NAALADL2: variants seen among roughly 807,000 people sequenced by gnomAD.
NAALADL2 encodes N-acetylated alpha-linked acidic dipeptidase like 2, also known as inactive N-acetylated-alpha-linked acidic dipeptidase-like protein 2.
Under a neutral mutation model 87.2 loss-of-function variants are expected in NAALADL2, and 76 were observed. That is an observed-to-expected ratio of 0.87 (90% CI 0.72 to 1.05). NAALADL2 has a LOEUF of 1.05. Among genes scored for constraint, NAALADL2 ranks in the 50% least tolerant of loss-of-function variants. NAALADL2 has a pLI of 0.00. For missense variants in NAALADL2, 1,089 were observed against 945.8 expected, an observed-to-expected ratio of 1.15 and a Z score of -1.99; for synonymous variants, 354 against 331.0, an observed-to-expected ratio of 1.07 and a Z score of -0.75.
At chr3:174,657,864 A>G (rs1725128454) in intron 2 of NAALADL2, among the ~76,000 whole-genome samples, 1 of 152,142 alleles carries the variant, frequency 6.6e-6, no homozygotes, top group Non-Finnish European at 1.5e-5. Flanking sequence ...AGAGCATCAT[A>G]TAGTTGGAAT....
At position 175,206,262 on chromosome 3, in the gene NAALADL2, A is replaced by ATATTT. The variant is rs1157257533; in HGVS notation, c.546-27668_546-27667insATTTT. On this transcript the variant is annotated intron_variant, in intron 2 of 13. Transcript: ENST00000454872. ...TAAAAAACTATATATATATATATAT[A>ATATTT]TTTTTTTTTTTCACTGTGTGTGTGT... Among the ~76,000 whole-genome samples, 716 of 103,120 alleles carry ATATTT rather than the reference A, an allele frequency of 6.9e-3. 29 individuals are homozygous for ATATTT. Among genetic ancestry groups the ATATTT allele is most frequent in the African/African-American group, 0.031 (640 of 20,964 alleles). The allele number at this position is 103,120 out of a possible 152,430, so 67.7% of individuals were successfully genotyped here.
At chr3:175,743,503 G>A (rs557613488) in intron 12 of NAALADL2, among the ~76,000 whole-genome samples, 1 of 152,278 alleles carries the variant, frequency 6.6e-6, no homozygotes, top group Admixed American at 6.5e-5. Flanking sequence ...GAACTGCATA[G>A]GATAAAGAAA....
At chr3:174,471,791 T>C (rs1577979591) in intron 1 of NAALADL2, among the ~76,000 whole-genome samples, 1 of 152,246 alleles carries the variant, frequency 6.6e-6, no homozygotes, top group Admixed American at 6.5e-5. Flanking sequence ...ATAAAAAATA[T>C]GTAATTCTTG....
chr3:175,419,190 C>T (rs2149115277), intron 5 of NAALADL2, among the ~76,000 whole-genome samples: 1 of 151,830 alleles, frequency 6.6e-6, no homozygotes, highest in Middle Eastern at 3.4e-3. Flanking sequence ...GGGGAGGGGT[C>T]ATTTCAAGTA....
At chr3:175,289,637 A>C (rs982195080) in intron 4 of NAALADL2, among the ~76,000 whole-genome samples, 9 of 152,080 alleles carry the variant, frequency 5.9e-5, no homozygotes, top group Admixed American at 5.2e-4. Context: ...AAGAATTTAA[A>C]ATTTCTGCTC....
At chr3:175,360,347 T>A (rs1157840921) in intron 5 of NAALADL2, among the ~76,000 whole-genome samples, 1 of 152,156 alleles carries the variant, frequency 6.6e-6, no homozygotes, top group African/African-American at 2.4e-5. Flanking sequence ...TACAAATATA[T>A]CAGATGTTCT....
intron 9 of NAALADL2, chr3:175,487,456 G>T (rs186789796): frequency 1.1e-5 from 5 of 452,048 alleles, no homozygotes; most frequent in South Asian, 7.8e-5. Context: ...TTCTACAAAT[G>T]AACATAATTT....
chr3:174,674,149 T>C (rs774446065), intron 2 of NAALADL2, among the ~76,000 whole-genome samples: 25 of 151,890 alleles, frequency 1.6e-4, no homozygotes, highest in Admixed American at 1.3e-3. Context: ...ACATGTCATA[T>C]GGTAAAAGCA....
At chr3:174,846,101 G>A (rs2109447252) in intron 3 of NAALADL2, among the ~76,000 whole-genome samples, 1 of 152,268 alleles carries the variant, frequency 6.6e-6, no homozygotes, top group Admixed American at 6.5e-5. Context: ...GCAATAAAAT[G>A]TGCCACTCAC....
intron 1 of NAALADL2, among the ~76,000 whole-genome samples, chr3:174,497,179 G>A (rs1348386615): frequency 2.0e-5 from 3 of 151,914 alleles, no homozygotes; most frequent in African/African-American, 7.3e-5. Flanking sequence ...TATTTCTACA[G>A]GGGTATCATT....
chr3:174,642,776 A>G (rs1723373045), intron 2 of NAALADL2, among the ~76,000 whole-genome samples: 1 of 36,464 alleles, frequency 2.7e-5, no homozygotes, highest in Non-Finnish European at 4.4e-5. Flanking sequence ...ATATATATAT[A>G]TATATATATA....
intron 9 of NAALADL2, among the ~76,000 whole-genome samples, chr3:175,509,280 CCCA>C (rs1474502015): frequency 1.3e-5 from 2 of 152,110 alleles, no homozygotes; most frequent in East Asian, 3.9e-4. Flanking sequence ...CCTCAGGTGC[CCCA>C]CAAGACCTGG....
chr3:174,578,758 A>G (rs1715828505), intron 2 of NAALADL2, among the ~76,000 whole-genome samples: 1 of 151,922 alleles, frequency 6.6e-6, no homozygotes, highest in Admixed American at 6.6e-5. Flanking sequence ...ATAAAAACAT[A>G]GGAGGATTCT....
chr3:174,864,079 A>G (rs1439749303), intron 1 of NAALADL2: 3 of 455,632 alleles, frequency 6.6e-6, no homozygotes, highest in African/African-American at 2.0e-5. Flanking sequence ...ATGTCAAGGC[A>G]TGAAATCCAA....
intron 4 of NAALADL2, among the ~76,000 whole-genome samples, chr3:175,291,272 T>C (rs1755606159): frequency 6.6e-6 from 1 of 152,184 alleles, no homozygotes; most frequent in East Asian, 1.9e-4. Context: ...TGAATGTTTC[T>C]TGTAATTTCA....
At chr3:174,537,901 C>T in intron 1 of NAALADL2, among the ~76,000 whole-genome samples, 1 of 152,156 alleles carries the variant, frequency 6.6e-6, no homozygotes, top group Non-Finnish European at 1.5e-5. Context: ...CCTATTCTTC[C>T]TCTTTCACAG....
intron 2 of NAALADL2, among the ~76,000 whole-genome samples, chr3:175,174,721 GA>G (rs1560120363): frequency 1.3e-5 from 2 of 151,872 alleles, no homozygotes; most frequent in Non-Finnish European, 2.9e-5. Flanking sequence ...GATTGTGTTT[GA>G]AAACCATGAT....
chr3:175,563,767 C>T (rs868825597), intron 9 of NAALADL2, among the ~76,000 whole-genome samples: 1 of 152,080 alleles, frequency 6.6e-6, no homozygotes, highest in East Asian at 1.9e-4. Flanking sequence ...TGGTACAGTC[C>T]GACCAAGGTA....
intron 1 of NAALADL2, among the ~76,000 whole-genome samples, chr3:175,072,503 T>G (rs966262897): frequency 1.3e-5 from 2 of 151,698 alleles, no homozygotes; most frequent in African/African-American, 4.8e-5. Context: ...GGCAAGAATT[T>G]TATTCCCTCT....
Sources: allele counts gnomAD v4.1 joint callset (sites outside exome capture counted in the v4.1 genomes callset), GRCh38; gene constraint gnomAD v4.1.1; transcripts MANE v1.5; gene names NCBI Gene and HGNC (gene_info 2026-07-23, HGNC 2026-07-21).